Variants in ACTR3B observed in about 807,000 individuals in gnomAD.
ACTR3B encodes actin related protein 3B.
In ACTR3B, 8 loss-of-function variants were observed where a neutral mutation model predicts 59.0. The ratio of observed to expected loss-of-function variants is 0.14; its 90% confidence interval spans 0.08 to 0.24. The LOEUF (loss-of-function observed/expected upper bound fraction) is 0.24, where lower values mean the gene tolerates loss of function less well. Among genes scored for constraint, ACTR3B ranks in the 10% least tolerant of loss-of-function variants. The pLI, the probability that ACTR3B is intolerant of heterozygous loss-of-function variation, is 1.00. For missense variants in ACTR3B, 245 were observed against 552.3 expected (o/e 0.44, Z 5.58); for synonymous variants, 148 against 197.9 (o/e 0.75, Z 2.12).
At chr7:152,798,672 A>G (rs1436469045) in intron 2 of ACTR3B, among the ~76,000 whole-genome samples, 1 of 152,360 alleles carries the variant, frequency 6.6e-6, no homozygotes, top group East Asian at 1.9e-4. Flanking sequence ...ACATTGAAGT[A>G]AGTCTTTAAT....
chr7:152,847,050 C>A (rs1413833503), intron 9 of ACTR3B, among the ~76,000 whole-genome samples: 2 of 137,186 alleles, frequency 1.5e-5, no homozygotes, highest in Non-Finnish European at 3.1e-5. Context: ...CTCTAGTGCC[C>A]GGGCTGTAGT....
chr7:152,801,874 C>T (rs2098237715), intron 4 of ACTR3B, 143 bp downstream of exon 4: 4 of 557,408 alleles, frequency 7.2e-6, no homozygotes, highest in Non-Finnish European at 1.1e-5. Flanking sequence ...GAAAATAAAG[C>T]TCAATAAAAA....
At chr7:152,801,830 C>T (rs1391996360) in intron 4 of ACTR3B, 99 bp downstream of exon 4, 6 of 564,614 alleles carry the variant, frequency 1.1e-5, no homozygotes, top group African/African-American at 1.9e-5. Context: ...TAAATTTCTT[C>T]TAAAGATATG....
In ACTR3B at chr7:152,812,116, C is replaced by T. The variant is rs1219442813; in HGVS notation, c.337-2434C>T. The T allele has an allele frequency of 1.6e-4, 14 of 85,426 alleles. 3 individuals are homozygous for T. The highest frequency in any genetic ancestry group is 3.9e-4 in the African/African-American group (12 of 30,792). 5.3% of individuals were successfully genotyped at this position (85,426 alleles called of 1,614,324 possible). On this transcript the variant is annotated intron_variant, in intron 4 of 11. Transcript: ENST00000256001. ...TGCGATCTCAGCTCACTGCAACCTC[C>T]GCCTCCCACGTTCAAGCAATTCTCC...
intron 1 of ACTR3B, among the ~76,000 whole-genome samples, chr7:152,771,955 C>T (rs1271273502): frequency 1.3e-5 from 2 of 152,080 alleles, no homozygotes; most frequent in Non-Finnish European, 2.9e-5. Context: ...AATCCAGCTA[C>T]TCGGGAAGCT....
At chr7:152,781,334 T>G (rs1253758890) in intron 1 of ACTR3B, among the ~76,000 whole-genome samples, 1 of 151,604 alleles carries the variant, frequency 6.6e-6, no homozygotes, top group Non-Finnish European at 1.5e-5. Context: ...TCAGCATCCC[T>G]CTTGCAAATA....
At chr7:152,846,977 GC>G (rs1436576331) in intron 9 of ACTR3B, among the ~76,000 whole-genome samples, 1 of 148,590 alleles carries the variant, frequency 6.7e-6, no homozygotes, top group African/African-American at 2.5e-5. Context: ...TCTGCAGTGA[GC>G]CCCAGTGTCC....
intron 6 of ACTR3B, among the ~76,000 whole-genome samples, chr7:152,819,199 G>C (rs1213923763): frequency 1.3e-5 from 2 of 151,920 alleles, no homozygotes; most frequent in African/African-American, 4.8e-5. Flanking sequence ...TACTTTTTTT[G>C]CTTCTAGAAG....
At chr7:152,793,123 T>C (rs1320560536) in intron 2 of ACTR3B, among the ~76,000 whole-genome samples, 4 of 143,744 alleles carry the variant, frequency 2.8e-5, no homozygotes, top group African/African-American at 1.0e-4. Flanking sequence ...GGTTAACTTA[T>C]TTGGGGTTTG....
intron 9 of ACTR3B, among the ~76,000 whole-genome samples, chr7:152,846,552 C>CG (rs1798312524): frequency 1.5e-5 from 2 of 134,290 alleles, no homozygotes; most frequent in East Asian, 2.5e-4. Context: ...CCCCAGCGCC[C>CG]GGGCTGCAGT....
chr7:152,787,143 C>T (rs1366631654), intron 2 of ACTR3B, among the ~76,000 whole-genome samples: 2 of 152,130 alleles, frequency 1.3e-5, no homozygotes, highest in African/African-American at 4.8e-5. Context: ...ATGGATATCC[C>T]ATCAGCAGTG....
At chr7:152,770,596 C>G (rs2098121597) in intron 1 of ACTR3B, among the ~76,000 whole-genome samples, 1 of 151,928 alleles carries the variant, frequency 6.6e-6, no homozygotes, top group Non-Finnish European at 1.5e-5. Flanking sequence ...TCCCCTTAAA[C>G]CCGCCTGTCC....
At chr7:152,809,573 G>T (rs1209091043) in intron 4 of ACTR3B, among the ~76,000 whole-genome samples, 1 of 149,384 alleles carries the variant, frequency 6.7e-6, no homozygotes, top group Non-Finnish European at 1.5e-5. Context: ...ACGGAGTCTT[G>T]CTCTGTAGCC....
chr7:152,761,873 A>G (rs1329501330), intron 1 of ACTR3B, among the ~76,000 whole-genome samples: 2 of 152,218 alleles, frequency 1.3e-5, no homozygotes, highest in Non-Finnish European at 2.9e-5. Context: ...GAACGGACCT[A>G]GGAAGTCACC....
chr7:152,768,906 T>C (rs1355510667), intron 1 of ACTR3B, among the ~76,000 whole-genome samples: 1 of 151,900 alleles, frequency 6.6e-6, no homozygotes, highest in Non-Finnish European at 1.5e-5. Flanking sequence ...CAGGCTGGAG[T>C]GCAGTGGCGT....
chr7:152,828,059 G>A (rs1590387274), intron 9 of ACTR3B, among the ~76,000 whole-genome samples: 1 of 151,794 alleles, frequency 6.6e-6, no homozygotes, highest in East Asian at 1.9e-4. Context: ...GGAGTGGCTG[G>A]GTTCCTATAA....
At chr7:152,779,732 G>A (rs529225587) in intron 1 of ACTR3B, among the ~76,000 whole-genome samples, 2 of 152,202 alleles carry the variant, frequency 1.3e-5, no homozygotes, top group South Asian at 2.1e-4. Flanking sequence ...TTGAGGATGC[G>A]TACTTTTTAG....
chr7:152,852,985 G>T (rs1217376742), intron 10 of ACTR3B, among the ~76,000 whole-genome samples: 1 of 151,998 alleles, frequency 6.6e-6, no homozygotes, highest in African/African-American at 2.4e-5. Context: ...TAGAGATGGG[G>T]TTTCACCGTG....
intron 7 of ACTR3B, among the ~76,000 whole-genome samples, chr7:152,821,207 T>C (rs371307035): frequency 0.066 from 8,236 of 124,822 alleles, no homozygotes; most frequent in African/African-American, 0.15. Flanking sequence ...TATCATTAGA[T>C]ATTCTTTTTT....
Sources: allele counts gnomAD v4.1 joint callset (sites outside exome capture counted in the v4.1 genomes callset), GRCh38; gene constraint gnomAD v4.1.1; transcripts MANE v1.5; gene names NCBI Gene and HGNC (gene_info 2026-07-23, HGNC 2026-07-21).